The following PAX6 variants were observed in gnomAD, a reference collection of about 807,000 sequenced individuals.
PAX6 encodes paired box 6.
PAX6 carries 7 observed loss-of-function variants against 60.7 expected under a neutral mutation model. That is an observed-to-expected ratio of 0.12 (90% CI 0.07 to 0.22). The LOEUF (loss-of-function observed/expected upper bound fraction) is 0.22. Ranked by LOEUF, PAX6 falls within the 10% of genes least tolerant of loss-of-function variation. The pLI is 1.00. For missense variants in PAX6, 355 were observed against 555.2 expected (o/e 0.64, Z 3.62); for synonymous variants, 208 against 201.2 (o/e 1.03, Z -0.29).
intron 7 of PAX6, 117 bp downstream of exon 7, chr11:31,801,444 T>C (rs551993877): frequency 1.3e-6 from 2 of 1,573,668 alleles, no homozygotes; most frequent in African/African-American, 2.7e-5. Flanking sequence ...AGGAGACAAA[T>C]GTGGAGCAGG....
intron 8 of PAX6, among the ~76,000 whole-genome samples, chr11:31,797,486 T>C (rs1951947690): frequency 8.3e-6 from 1 of 120,124 alleles, no homozygotes; most frequent in Non-Finnish European, 1.6e-5. Flanking sequence ...GCAGGGACAG[T>C]AGAGCTCAAT....
chr11:31,791,139 A>G (rs1949821804), intron 12 of PAX6: 1 of 504,722 alleles, frequency 2.0e-6, no homozygotes, highest in South Asian at 2.0e-5. Context: ...ATAAATTAAT[A>G]GGATTTTTGT....
At chr11:31,796,367 A>G (rs968706452) in intron 8 of PAX6, among the ~76,000 whole-genome samples, 10 of 152,220 alleles carry the variant, frequency 6.6e-5, no homozygotes, top group African/African-American at 1.7e-4. Flanking sequence ...CAAGAAGCCC[A>G]GTCAACAGAC....
chr11:31,793,601 G>C (rs1195308938), intron 11 of PAX6, 48 bp from the exon 12 acceptor site: 1 of 1,613,564 alleles, frequency 6.2e-7, no homozygotes, highest in Admixed American at 1.7e-5. Context: ...TCAGAGCCCG[G>C]AGCAAACAGG....
At chr11:31,813,393 G>C (rs970065714), upstream of PAX6, among the ~76,000 whole-genome samples, 8 of 104,958 alleles carry the variant, frequency 7.6e-5, no homozygotes, top group Non-Finnish European at 1.3e-4. Context: ...GGGGGGCGGG[G>C]GGGGGGGAAG....
chr11:31,794,751 G>C lies in PAX6; in HGVS notation c.603C>G (p.Thr201=), dbSNP rs200080139. Residue 201 remains threonine (T), a synonymous_variant, in exon 9 of 14, where the codon ACC becomes ACG. Transcript: ENST00000640368. ...CQQQEGGGEN[T]NSISSNGEDS... is the part of the protein sequence containing the mutation. The stretch of plus-strand genomic sequence containing the variant: ...CTTCTCCGTTGGAACTGATGGAGTT[G>C]GTATTCTCTCCCCCTCCTTCCTGTT... The C allele has an allele frequency of 6.2e-7, 1 of 1,614,060 alleles. No individual in the cohort carries two copies. The highest frequency in any genetic ancestry group is 1.3e-5 in the African/African-American group (1 of 75,010).
intron 3 of PAX6, 35 bp downstream of exon 3, chr11:31,806,814 G>C (rs1592614286): frequency 5.3e-6 from 1 of 188,854 alleles, no homozygotes; most frequent in African/African-American, 2.3e-5. Context: ...ACTGTTTGTG[G>C]GTTTTGAGCC....
rs1953628077 is a variant in PAX6, at chr11:31,800,961, AAAGCTCCCAGCC to A, written c.400-117_400-106del. ...TAAAAAGCAACTCTCAACCCGTTAA[AAAGCTCCCAGCC>A]ACCCCGGGACAGTGGGTGGATTTGC... On this transcript the variant is annotated intron_variant, in intron 7 of 13. Transcript: ENST00000640368. The A allele has an allele frequency of 4.1e-6, 5 of 1,228,488 alleles. No individual in the cohort carries two copies. In the Admixed American group the frequency reaches 7.3e-5, roughly 18 times the overall value. The allele number at this position is 1,228,488 out of a possible 1,614,324, so 76.1% of individuals were successfully genotyped here. A position where few individuals can be genotyped will look rare whatever the true frequency, so the allele number is the denominator to read the frequency against.
chr11:31,791,963 G>C (rs1358887978), intron 12 of PAX6: 1 of 152,204 alleles, frequency 6.6e-6, no homozygotes, highest in Non-Finnish European at 1.5e-5. Context: ...GTTTGAAATA[G>C]ATTGATTCCC....
At chr11:31,799,807 C>T (rs562596440) in intron 8 of PAX6, among the ~76,000 whole-genome samples, 2 of 152,152 alleles carry the variant, frequency 1.3e-5, no homozygotes, top group Non-Finnish European at 2.9e-5. Flanking sequence ...TGAGACGCCA[C>T]GTCCCATTAT....
At chr11:31,796,506 C>A (rs1223789499) in intron 8 of PAX6, among the ~76,000 whole-genome samples, 1 of 130,298 alleles carries the variant, frequency 7.7e-6, no homozygotes, top group Non-Finnish European at 1.6e-5. Flanking sequence ...CAGGGCCCAG[C>A]ATGGGGGGAG....
chr11:31,801,950 T>C, intron 5 of PAX6, 38 bp from the exon 6 acceptor site: 1 of 1,549,754 alleles, frequency 6.5e-7, no homozygotes, highest in South Asian at 1.1e-5. Context: ...GTATGAGAAC[T>C]TACTGTAGAG....
intron 5 of PAX6, 88 bp from the exon 6 acceptor site, chr11:31,802,000 T>C: frequency 9.7e-7 from 1 of 1,032,356 alleles, no homozygotes; most frequent in Non-Finnish European, 1.5e-6. Flanking sequence ...CCCTAAAAAC[T>C]ACAAATATGA....
chr11:31,792,458 C>CA lies in PAX6; in HGVS notation c.1074+979dup, dbSNP rs1261193770. On this transcript the variant is annotated intron_variant, in intron 12 of 13. Transcript: ENST00000640368. The stretch of plus-strand genomic sequence containing the variant: ...GCTGTTATTTGGATTTGAAATCCAG[C>CA]AAAAAATGTTCAATGGAGAATAAAC... 4.6e-5 allele frequency: 7 copies of CA among 152,264 alleles called. No individual in the cohort carries two copies. The East Asian group carries it at 7.7e-4, about 17-fold the overall frequency. The allele number at this position is 152,264 out of a possible 1,614,324, so 9.4% of individuals were successfully genotyped here. A position where few individuals can be genotyped will look rare whatever the true frequency, so the allele number is the denominator to read the frequency against.
rs887682459 is a variant in PAX6 at position 31,816,469 on chromosome 11, C to G, written c.-317+1340G>C. 1.2e-4 allele frequency: 81 copies of G among 687,298 alleles called. No individual in the cohort carries two copies. The Admixed American group carries it at 1.6e-3, about 14-fold the overall frequency. The allele number at this position is 687,298 out of a possible 1,614,324, so 42.6% of individuals were successfully genotyped here. ...TCACCGCGTTTTCTCGCCGTGACAGCCGAATAAACACGATCTCCAATAAAC... is the reference window on the plus strand; with the variant it reads ...TCACCGCGTTTTCTCGCCGTGACAGGCGAATAAACACGATCTCCAATAAAC... On this transcript the variant is annotated intron_variant, in intron 1 of 12. Transcript: ENST00000241001.
chr11:31,806,298 C>A (rs1210465558), intron 4 of PAX6, 104 bp downstream of exon 4: 10 of 1,395,304 alleles, frequency 7.2e-6, no homozygotes, highest in Non-Finnish European at 9.8e-6. Flanking sequence ...CTCAGTCGGT[C>A]GGCGGCCGGG....
chr11:31,804,670 A>C (rs1179853093), intron 4 of PAX6: 1 of 152,130 alleles, frequency 6.6e-6, no homozygotes, highest in East Asian at 1.9e-4. Context: ...ACAGAGCCCC[A>C]CCTCTAGGCA....
chr11:31,802,827 G>A lies in PAX6; in HGVS notation c.18C>T (p.Ser6=). ...AGACACCACCGAGCTGATTCACTCC[G>A]CTGTGACCTGAGGAAAGGGAGAGGA... The part of the protein sequence containing the change: MQNSH[S]GVNQLGGVFV... The change falls in exon 5 of 14, where the codon AGC becomes AGT. Residue 6 remains serine, a synonymous_variant. Transcript: ENST00000640368. 2 of 1,613,916 alleles carry A rather than the reference G, an allele frequency of 1.2e-6. No individual in the cohort carries two copies. Among genetic ancestry groups the A allele is most frequent in the South Asian group, 1.1e-5 (1 of 91,030 alleles).
chr11:31,802,149 C>T (rs939985187), intron 5 of PAX6: 3 of 532,326 alleles, frequency 5.6e-6, no homozygotes, highest in South Asian at 5.1e-5. Context: ...CTTAAAGTGG[C>T]GTTATGTTTT....
Sources: allele counts gnomAD v4.1 joint callset (sites outside exome capture counted in the v4.1 genomes callset), GRCh38; gene constraint gnomAD v4.1.1; transcripts MANE v1.5; gene names NCBI Gene and HGNC (gene_info 2026-07-23, HGNC 2026-07-21).